The following ATP13A3 variants were observed in gnomAD, a reference collection of about 807,000 sequenced individuals.
The protein encoded by ATP13A3 is polyamine-transporting ATPase 13A3.
Under a neutral mutation model 158.1 loss-of-function variants are expected in ATP13A3, and 59 were observed. The ratio of observed to expected loss-of-function variants is 0.37; its 90% CI spans 0.30 to 0.46. ATP13A3 has a LOEUF of 0.46. ATP13A3 is among the 20% of genes least tolerant of loss of function. The pLI is 1.00. For missense variants in ATP13A3, 1,166 were observed against 1,525.2 expected (o/e 0.76, Z 3.92); for synonymous variants, 491 against 504.3 (o/e 0.97, Z 0.35).
chr3:194,462,372 A>C (rs2108980995), intron 2 of ATP13A3, 136 bp from the exon 3 acceptor site: 1 of 595,474 alleles, frequency 1.7e-6, no homozygotes, highest in South Asian at 2.1e-5. Flanking sequence ...ACAGGGCCAC[A>C]CAGTAGGAGG....
chr3:194,493,562 G>T (rs186667836), intron 2 of ATP13A3, among the ~76,000 whole-genome samples: 27 of 152,158 alleles, frequency 1.8e-4, no homozygotes, highest in African/African-American at 5.5e-4. Context: ...TGGGAGAATC[G>T]CATGAACCCG....
intron 33 of ATP13A3, among the ~76,000 whole-genome samples, 164 bp downstream of exon 33, chr3:194,412,035 T>C (rs969034799): frequency 4.6e-5 from 7 of 152,074 alleles, no homozygotes; most frequent in African/African-American, 1.7e-4. Context: ...TTATAAGAAA[T>C]GAAATGCCAA....
intron 33 of ATP13A3, among the ~76,000 whole-genome samples, chr3:194,406,842 C>T (rs1054243986): frequency 4.6e-5 from 7 of 152,152 alleles, no homozygotes; most frequent in African/African-American, 1.7e-4. Flanking sequence ...AAACCTCATC[C>T]TTACTAATAT....
At chr3:194,427,843 A>G (rs1026849577) in intron 28 of ATP13A3, among the ~76,000 whole-genome samples, 4 of 152,160 alleles carry the variant, frequency 2.6e-5, no homozygotes, top group Admixed American at 6.5e-5. Flanking sequence ...CAATGTTTGA[A>G]GCAATATAAA....
chr3:194,413,443 T>C (rs1347170871), intron 32 of ATP13A3, among the ~76,000 whole-genome samples: 2 of 152,228 alleles, frequency 1.3e-5, no homozygotes, highest in African/African-American at 4.8e-5. Flanking sequence ...CCAACTCTGA[T>C]TTCACAATCA....
intron 16 of ATP13A3, 125 bp from the exon 17 acceptor site, chr3:194,439,097 G>C (rs1197206406): frequency 8.7e-6 from 5 of 571,744 alleles, no homozygotes; most frequent in African/African-American, 3.9e-5. Flanking sequence ...TAAAAAAAAT[G>C]TATGTCCAAG....
chr3:194,477,702 T>C (rs1720585006), intron 2 of ATP13A3, among the ~76,000 whole-genome samples: 1 of 152,206 alleles, frequency 6.6e-6, no homozygotes, highest in Non-Finnish European at 1.5e-5. Context: ...GGAGAGGATA[T>C]GGGGAGTGGA....
chr3:194,426,979 C>A, intron 29 of ATP13A3, 96 bp downstream of exon 29: 1 of 1,377,418 alleles, frequency 7.3e-7, no homozygotes, highest in South Asian at 1.3e-5. Context: ...GCCACCGCAC[C>A]TGGCACAAAC....
chr3:194,462,372 A>G, intron 2 of ATP13A3, 136 bp from the exon 3 acceptor site: 1 of 595,474 alleles, frequency 1.7e-6, no homozygotes, highest in Non-Finnish European at 3.0e-6. Flanking sequence ...ACAGGGCCAC[A>G]CAGTAGGAGG....
chr3:194,406,670 T>C (rs954560969), intron 33 of ATP13A3, among the ~76,000 whole-genome samples: 1 of 152,232 alleles, frequency 6.6e-6, no homozygotes, highest in African/African-American at 2.4e-5. Context: ...AACTATCTTT[T>C]GGTACTATTG....
intron 16 of ATP13A3, among the ~76,000 whole-genome samples, chr3:194,439,494 C>T (rs1045742840): frequency 6.6e-6 from 1 of 152,188 alleles, no homozygotes. Context: ...CTTTAAAGAA[C>T]CTTTTTTGGT....
chr3:194,491,872 T>C (rs1721151138), upstream of ATP13A3, among the ~76,000 whole-genome samples: 1 of 140,420 alleles, frequency 7.1e-6, no homozygotes, highest in African/African-American at 2.7e-5. Context: ...GCATGCCTCC[T>C]CCATCTCTCA....
chr3:194,438,976 G>T lies in ATP13A3; in HGVS notation c.1711-4C>A, dbSNP rs370360472. 132 of 1,333,814 alleles carry T rather than the reference G, an allele frequency of 9.9e-5. No individual in the cohort carries two copies. The highest frequency in any genetic ancestry group is 1.2e-4 in the Non-Finnish European group (123 of 989,808). The allele number at this position is 1,333,814 out of a possible 1,614,324, so 82.6% of individuals were successfully genotyped here. Reference sequence around the variant, plus strand: ...CTTCAGTTGCTTCTTCCAGAATCTGGAAAAAAAAAAGAGACAAAAAAAAAC... The same window carrying T: ...CTTCAGTTGCTTCTTCCAGAATCTGTAAAAAAAAAAGAGACAAAAAAAAAC... On this transcript the variant is annotated splice_polypyrimidine_tract_variant and splice_region_variant and intron_variant, in intron 16 of 33. Transcript: ENST00000645319.
chr3:194,437,051 TA>T, intron 20 of ATP13A3, 43 bp downstream of exon 20: 2 of 1,592,576 alleles, frequency 1.3e-6, no homozygotes, highest in Non-Finnish European at 8.6e-7. Context: ...AATATAACCA[TA>T]AATGATGATG....
At chr3:194,482,575 C>G (rs1720793438) in intron 2 of ATP13A3, among the ~76,000 whole-genome samples, 2 of 152,224 alleles carry the variant, frequency 1.3e-5, no homozygotes, top group African/African-American at 4.8e-5. Flanking sequence ...ATCTGAGCCT[C>G]TCTTACTTCT....
intron 11 of ATP13A3, among the ~76,000 whole-genome samples, chr3:194,449,465 A>C (rs776880016): frequency 7.2e-5 from 11 of 152,180 alleles, no homozygotes; most frequent in Non-Finnish European, 1.5e-4. Context: ...GGATCACCTG[A>C]GGACAGGAGT....
At chr3:194,426,943 C>T in intron 29 of ATP13A3, 132 bp downstream of exon 29, 1 of 950,530 alleles carries the variant, frequency 1.1e-6, no homozygotes. Context: ...CTCGGCCTCC[C>T]CAAAGTACTA....
At chr3:194,412,124 G>A (rs1305250305) in intron 33 of ATP13A3, 75 bp downstream of exon 33, 10 of 1,187,898 alleles carry the variant, frequency 8.4e-6, no homozygotes, top group Admixed American at 2.0e-5. Context: ...ACAAGAACAC[G>A]CTAGAGAATA....
intron 31 of ATP13A3, among the ~76,000 whole-genome samples, chr3:194,417,396 G>GACTGACAC (rs1715930282): frequency 8.5e-6 from 1 of 118,054 alleles, no homozygotes; most frequent in Non-Finnish European, 1.7e-5. Context: ...GCCAGATTCT[G>GACTGACAC]ACACACACAC....
Sources: gnomAD v4.1 joint callset for allele counts (sites outside exome capture counted in the v4.1 genomes callset) on GRCh38, gnomAD v4.1.1 for gene constraint, MANE v1.5 for transcripts, NCBI Gene and HGNC (gene_info 2026-07-23, HGNC 2026-07-21) for gene names.